Variants in SPOCK1 observed in about 807,000 individuals in gnomAD.
SPOCK1 encodes the protein SPARC (osteonectin), cwcv and kazal like domains proteoglycan 1.
A neutral mutation model predicts 55.3 loss-of-function variants in SPOCK1; 23 were observed. That is an observed-to-expected ratio of 0.42 (90% confidence interval 0.30 to 0.59). The LOEUF (loss-of-function observed/expected upper bound fraction) is 0.59. Among genes scored for constraint, SPOCK1 ranks in the 20% least tolerant of loss-of-function variants. SPOCK1 has a pLI of 0.22. For synonymous variants in SPOCK1, 226 were observed against 221.0 expected (o/e 1.02, Z -0.20); for missense variants, 499 against 552.5 (o/e 0.90, Z 0.97).
intron 5 of SPOCK1, among the ~76,000 whole-genome samples, chr5:137,071,346 A>C (rs771272038): frequency 2.0e-5 from 3 of 152,172 alleles, no homozygotes; most frequent in African/African-American, 7.2e-5. Flanking sequence ...ATACAGATAC[A>C]TGTGGTAAAA....
chr5:137,271,708 T>C (rs913065593), intron 2 of SPOCK1, among the ~76,000 whole-genome samples: 2 of 152,174 alleles, frequency 1.3e-5, no homozygotes, highest in South Asian at 4.1e-4. Flanking sequence ...CTCCAAGGAA[T>C]GTCAAAGCTG....
chr5:137,103,175 G>A (rs1753304054), intron 5 of SPOCK1, among the ~76,000 whole-genome samples: 1 of 152,002 alleles, frequency 6.6e-6, no homozygotes, highest in Non-Finnish European at 1.5e-5. Flanking sequence ...ATTTTTAGTA[G>A]AGACAGAGTT....
chr5:137,185,902 A>G (rs765922307), intron 3 of SPOCK1, among the ~76,000 whole-genome samples: 12 of 152,254 alleles, frequency 7.9e-5, no homozygotes, highest in Non-Finnish European at 1.5e-4. Flanking sequence ...CAAGACAGGC[A>G]GTAACAAAAT....
At chr5:137,010,909 T>A (rs909112157) in intron 6 of SPOCK1, among the ~76,000 whole-genome samples, 2 of 152,310 alleles carry the variant, frequency 1.3e-5, no homozygotes, top group South Asian at 4.1e-4. Flanking sequence ...ATTTTCATGT[T>A]TCTTCGCATA....
intron 9 of SPOCK1, among the ~76,000 whole-genome samples, chr5:136,983,343 C>T (rs919403553): frequency 6.6e-6 from 1 of 152,134 alleles, no homozygotes; most frequent in Admixed American, 6.5e-5. Flanking sequence ...CCAGGCTATA[C>T]CAAGATGATC....
chr5:137,218,463 TCTGATTGAAATGAACAATTTGTAAAG>T (rs1755760527), intron 3 of SPOCK1, among the ~76,000 whole-genome samples: 2 of 152,268 alleles, frequency 1.3e-5, no homozygotes, highest in Non-Finnish European at 2.9e-5. Context: ...CCTGCTTTGT[TCTGATTGAAATGAACAATTTGTAAAG>T]CTGAGAAATT....
intron 2 of SPOCK1, among the ~76,000 whole-genome samples, chr5:137,497,599 G>C (rs1003304399): frequency 6.6e-6 from 1 of 152,130 alleles, no homozygotes; most frequent in African/African-American, 2.4e-5. Context: ...CACATCCCTG[G>C]GGCACACCTG....
intron 4 of SPOCK1, among the ~76,000 whole-genome samples, chr5:137,131,904 G>A (rs1412097113): frequency 1.5e-4 from 21 of 139,664 alleles, no homozygotes; most frequent in East Asian, 4.2e-4. Flanking sequence ...CCCGGGAGGC[G>A]GAGCTTGCAG....
chr5:137,498,151 G>A (rs1754338103), intron 2 of SPOCK1, among the ~76,000 whole-genome samples: 1 of 152,096 alleles, frequency 6.6e-6, no homozygotes, highest in South Asian at 2.1e-4. Context: ...ACAGGTAACA[G>A]GCAAGCGCAT....
chr5:137,115,573 T>C (rs1031548494), intron 4 of SPOCK1, among the ~76,000 whole-genome samples: 2 of 152,184 alleles, frequency 1.3e-5, no homozygotes, highest in Admixed American at 1.3e-4. Context: ...TTATGAATTA[T>C]GCTCAGGTAA....
At chr5:137,123,750 T>C (rs1358861985) in intron 4 of SPOCK1, among the ~76,000 whole-genome samples, 3 of 151,988 alleles carry the variant, frequency 2.0e-5, no homozygotes, top group Admixed American at 6.6e-5. Flanking sequence ...CAAGCAGAAA[T>C]CACCTAGAGG....
At chr5:137,495,200 A>C (rs1754273191) in intron 2 of SPOCK1, among the ~76,000 whole-genome samples, 1 of 152,248 alleles carries the variant, frequency 6.6e-6, no homozygotes, top group African/African-American at 2.4e-5. Flanking sequence ...TAAAGGCTTT[A>C]CTTCTAAAAA....
At chr5:137,174,646 C>G (rs895293665) in intron 3 of SPOCK1, among the ~76,000 whole-genome samples, 3 of 152,228 alleles carry the variant, frequency 2.0e-5, no homozygotes, top group Non-Finnish European at 4.4e-5. Context: ...CCAGAATGTG[C>G]AGGACAGTCC....
intron 8 of SPOCK1, 93 bp downstream of exon 8, chr5:136,988,329 G>A: frequency 4.4e-6 from 4 of 915,216 alleles, no homozygotes; most frequent in Non-Finnish European, 6.8e-6. Context: ...CTCTGGCTGT[G>A]GCTCTCTGCC....
chr5:137,235,822 C>T (rs1005623774), intron 3 of SPOCK1, among the ~76,000 whole-genome samples: 1 of 152,216 alleles, frequency 6.6e-6, no homozygotes, highest in Non-Finnish European at 1.5e-5. Flanking sequence ...AGGCAGGCAG[C>T]TCACATAGGT....
intron 2 of SPOCK1, among the ~76,000 whole-genome samples, chr5:137,387,724 T>C (rs1477186587): frequency 1.3e-5 from 2 of 152,166 alleles, no homozygotes; most frequent in Non-Finnish European, 2.9e-5. Flanking sequence ...GATGTGTCAG[T>C]GTAGGTTCAT....
chr5:137,323,786 C>T (rs1320258020), intron 2 of SPOCK1, among the ~76,000 whole-genome samples: 2 of 152,098 alleles, frequency 1.3e-5, no homozygotes, highest in African/African-American at 4.8e-5. Context: ...ACGATATTAC[C>T]TCAACCTGCT....
chr5:137,321,285 A>G (rs1757978617), intron 2 of SPOCK1, among the ~76,000 whole-genome samples: 1 of 152,102 alleles, frequency 6.6e-6, no homozygotes. Flanking sequence ...ATTCCAGAAG[A>G]AGGAAAGACA....
At chr5:136,999,545 G>A (rs1049067748) in intron 6 of SPOCK1, among the ~76,000 whole-genome samples, 2 of 152,140 alleles carry the variant, frequency 1.3e-5, no homozygotes, top group African/African-American at 4.8e-5. Context: ...GCTATAACTG[G>A]TGTTCCACGC....
Sources: gnomAD v4.1 joint callset for allele counts (sites outside exome capture counted in the v4.1 genomes callset) on GRCh38, gnomAD v4.1.1 for gene constraint, MANE v1.5 for transcripts, NCBI Gene and HGNC (gene_info 2026-07-23, HGNC 2026-07-21) for gene names.